Variants in TXNRD1 observed in about 807,000 individuals in gnomAD.
TXNRD1 encodes the protein thioredoxin reductase 1.
In TXNRD1, 57 loss-of-function variants were observed where a neutral mutation model predicts 80.3. The ratio of observed to expected loss-of-function variants is 0.71; its 90% confidence interval spans 0.57 to 0.89. TXNRD1 has a LOEUF of 0.89. Ranked by LOEUF, TXNRD1 falls within the 40% of genes least tolerant of loss-of-function variation. The probability of loss-of-function intolerance (pLI) is 0.00; values close to 1 mark genes in which losing one functional copy is unlikely to be tolerated. For missense variants in TXNRD1, 730 were observed against 803.0 expected (o/e 0.91, Z 1.10); for synonymous variants, 291 against 285.2 (o/e 1.02, Z -0.20).
chr12:104,248,165 A>G (rs1360643346), intron 1 of TXNRD1, among the ~76,000 whole-genome samples: 1 of 152,244 alleles, frequency 6.6e-6, no homozygotes, highest in East Asian at 1.9e-4. Context: ...GCTTTAGTCC[A>G]ATAGTTCTTA....
Position 104,315,846 on chromosome 12 carries a change from G to C in TXNRD1, c.680G>C (p.Gly227Ala), listed in dbSNP as rs761041431. ...CTGATGCATCAAGCAGCTTTGTTAGGACAAGCCCTGCAAGACTCTCGAAAT... is the reference window on the plus strand; with the variant it reads ...CTGATGCATCAAGCAGCTTTGTTAGCACAAGCCCTGCAAGACTCTCGAAAT... ...KKLMHQAALL[G>A]QALQDSRNYG... The change falls in exon 7 of 17, where the codon GGA becomes GCA. Residue 227 changes from glycine (G) to alanine (A), a missense_variant. Coordinates refer to ENST00000525566, the MANE Select transcript of TXNRD1 (RefSeq NM_001093771.3). 6.2e-7 allele frequency: 1 copy of C among 1,612,738 alleles called. No homozygotes were observed. Among genetic ancestry groups the C allele is most frequent in the Non-Finnish European group, 8.5e-7 (1 of 1,179,112 alleles).
In TXNRD1 at chr12:104,252,660, TTTTATATATA is replaced by T. The variant is rs1369815246; in HGVS notation, c.243+984_243+993del. Among the ~76,000 whole-genome samples, 48 of 53,214 alleles carry T rather than the reference TTTTATATATA, an allele frequency of 9.0e-4. 2 individuals carry two copies. The highest frequency in any genetic ancestry group is 4.8e-3 in the African/African-American group (46 of 9,506). 34.9% of individuals were successfully genotyped at this position (53,214 alleles called of 152,430 possible). A position where few individuals can be genotyped will look rare whatever the true frequency, so the allele number is the denominator to read the frequency against. ...TTCACTGAGAGGTTAATTTATTATTTTTTATATATATATATATATATATATATATATTTTT... is the reference window on the plus strand; with the variant it reads ...TTCACTGAGAGGTTAATTTATTATTTTATATATATATATATATATATTTTT... On this transcript the variant is annotated intron_variant, in intron 2 of 16. Transcript: ENST00000525566.
At chr12:104,262,122 C>G (rs1047665453) in intron 3 of TXNRD1, among the ~76,000 whole-genome samples, 12 of 151,300 alleles carry the variant, frequency 7.9e-5, no homozygotes, top group Admixed American at 7.9e-4. Flanking sequence ...ATCCCAGCGA[C>G]TCAGGAGGCT....
intron 3 of TXNRD1, among the ~76,000 whole-genome samples, chr12:104,272,721 G>A (rs2033676786): frequency 6.6e-6 from 1 of 151,794 alleles, no homozygotes; most frequent in Non-Finnish European, 1.5e-5. Context: ...GAACCTGGGA[G>A]GCGGAGCTTG....
chr12:104,314,825 T>C (rs950209466), intron 6 of TXNRD1, among the ~76,000 whole-genome samples: 1 of 134,778 alleles, frequency 7.4e-6, no homozygotes. Flanking sequence ...CACTGCAACC[T>C]CCACCTCCTG....
At chr12:104,229,854 G>T (rs2032575235) in intron 1 of TXNRD1, among the ~76,000 whole-genome samples, 1 of 151,996 alleles carries the variant, frequency 6.6e-6, no homozygotes, top group Non-Finnish European at 1.5e-5. Flanking sequence ...GCCTCTCAAA[G>T]TGCTGGGATT....
intron 1 of TXNRD1, among the ~76,000 whole-genome samples, chr12:104,218,028 A>C (rs145428973): frequency 2.1e-4 from 32 of 151,368 alleles, no homozygotes; most frequent in Admixed American, 9.2e-4. Flanking sequence ...ACACACACAC[A>C]CCACATTTTT....
At position 104,319,487 on chromosome 12, in the gene TXNRD1, C is replaced by A; in HGVS notation, c.891C>A (p.Gly297=). The A allele has an allele frequency of 3.2e-6, 5 of 1,586,260 alleles. No individual in the cohort carries two copies. The highest frequency in any genetic ancestry group is 4.3e-6 in the Non-Finnish European group (5 of 1,165,834). The stretch of plus-strand genomic sequence containing the variant: ...CTTTGTAGGCAACAAATAATAAAGG[C>A]AAAGAAAAAATTTATTCAGCAGAGA... ...PHRIKATNNK[G]KEKIYSAERF... Residue 297 remains glycine (G), a synonymous_variant, in exon 9 of 17, where the codon GGC becomes GGA. Transcript: ENST00000525566.
At chr12:104,295,282 C>T (rs953236558) in intron 4 of TXNRD1, among the ~76,000 whole-genome samples, 3 of 152,122 alleles carry the variant, frequency 2.0e-5, no homozygotes, top group Non-Finnish European at 2.9e-5. Flanking sequence ...TTCAGATTTC[C>T]GGTCACTTCT....
chr12:104,264,381 C>T (rs559712414), intron 3 of TXNRD1, among the ~76,000 whole-genome samples: 1 of 152,216 alleles, frequency 6.6e-6, no homozygotes, highest in Admixed American at 6.5e-5. Context: ...GGGCAGAGAA[C>T]GATGAGAGGT....
intron 6 of TXNRD1, among the ~76,000 whole-genome samples, chr12:104,315,437 C>G (rs35579583): frequency 1.0e-3 from 159 of 152,266 alleles, no homozygotes; most frequent in African/African-American, 3.4e-3. Flanking sequence ...AGAGAAAAAT[C>G]GTAAGTCGGG....
chr12:104,349,035 T>G lies in TXNRD1; in HGVS notation c.*614T>G, dbSNP rs546101072. On this transcript the variant is annotated 3_prime_UTR_variant, in exon 17 of 17. Coordinates refer to ENST00000525566, the MANE Select transcript of TXNRD1 (RefSeq NM_001093771.3). The stretch of plus-strand genomic sequence containing the variant: ...TTCTCTCATATATTCCCAAAACAAG[T>G]ACATCTGCGATCAACTCTAGCCAAA... 6.6e-6 allele frequency: 1 copy of G among 152,480 alleles called. No homozygotes were observed. Among genetic ancestry groups the G allele is most frequent in the African/African-American group, 2.4e-5 (1 of 41,580 alleles). 9.4% of individuals were successfully genotyped at this position (152,480 alleles called of 1,614,324 possible). A position where few individuals can be genotyped will look rare whatever the true frequency, so the allele number is the denominator to read the frequency against.
intron 1 of TXNRD1, among the ~76,000 whole-genome samples, chr12:104,218,171 G>A (rs1285227836): frequency 6.6e-6 from 1 of 151,920 alleles, no homozygotes; most frequent in Non-Finnish European, 1.5e-5. Flanking sequence ...GGGATTACAG[G>A]CCCGCCACCA....
chr12:104,306,992 T>G (rs2034943032), intron 4 of TXNRD1, among the ~76,000 whole-genome samples: 1 of 152,182 alleles, frequency 6.6e-6, no homozygotes. Context: ...TAATAGAGAA[T>G]CTGGAGGCTT....
intron 16 of TXNRD1, chr12:104,345,889 T>C: frequency 9.0e-7 from 1 of 1,112,750 alleles, no homozygotes; most frequent in Non-Finnish European, 1.2e-6. Context: ...CTGACCCTTG[T>C]ACGAGTCCTG....
chr12:104,259,783 C>T (rs1190703949), intron 3 of TXNRD1, among the ~76,000 whole-genome samples: 5 of 151,832 alleles, frequency 3.3e-5, no homozygotes, highest in East Asian at 3.9e-4. Context: ...CCACCACGCC[C>T]GGCCATAAGT....
intron 4 of TXNRD1, among the ~76,000 whole-genome samples, chr12:104,303,428 GT>G (rs1455794359): frequency 6.6e-6 from 1 of 152,234 alleles, no homozygotes; most frequent in Non-Finnish European, 1.5e-5. Context: ...CCTCACTGCA[GT>G]ATATGATGGC....
At chr12:104,324,116 AG>A (rs1593843592) in intron 10 of TXNRD1, among the ~76,000 whole-genome samples, 1 of 152,158 alleles carries the variant, frequency 6.6e-6, no homozygotes, top group Admixed American at 6.5e-5. Flanking sequence ...AAAGTGAATA[AG>A]GGTGGAGGTG....
chr12:104,289,944 C>T (rs1361439222), intron 4 of TXNRD1, among the ~76,000 whole-genome samples: 1 of 152,146 alleles, frequency 6.6e-6, no homozygotes, highest in Non-Finnish European at 1.5e-5. Flanking sequence ...CTCAGATGAT[C>T]CACGGCTGGG....
Sources: gnomAD v4.1 joint callset for allele counts (sites outside exome capture counted in the v4.1 genomes callset) on GRCh38, gnomAD v4.1.1 for gene constraint, MANE v1.5 for transcripts, NCBI Gene and HGNC (gene_info 2026-07-23, HGNC 2026-07-21) for gene names.